EFNA5: variants seen among roughly 807,000 people sequenced by gnomAD.
The protein encoded by EFNA5 is ephrin-A5.
Under a neutral mutation model 22.9 loss-of-function variants are expected in EFNA5, and 5 were observed. The ratio of observed to expected loss-of-function variants is 0.22; its 90% CI spans 0.11 to 0.46. The LOEUF is 0.46. EFNA5 is among the 20% of genes least tolerant of loss of function. EFNA5 has a pLI of 0.99. For missense variants in EFNA5, 237 were observed against 293.3 expected, an observed-to-expected ratio of 0.81 and a Z score of 1.40; for synonymous variants, 113 against 112.2, an observed-to-expected ratio of 1.01 and a Z score of -0.04.
At chr5:107,480,838 C>T (rs913349072) in intron 1 of EFNA5, among the ~76,000 whole-genome samples, 62 of 152,266 alleles carry the variant, frequency 4.1e-4, no homozygotes, top group African/African-American at 1.5e-3. Context: ...TGGGGACAAA[C>T]AGGTCTCAAA....
intron 1 of EFNA5, among the ~76,000 whole-genome samples, chr5:107,592,352 G>T (rs1749388572): frequency 6.6e-6 from 1 of 151,346 alleles, no homozygotes; most frequent in Admixed American, 6.6e-5. Context: ...TACACTTTTG[G>T]TATATAAATT....
intron 2 of EFNA5, among the ~76,000 whole-genome samples, chr5:107,399,024 C>T (rs1561369388): frequency 6.6e-6 from 1 of 152,006 alleles, no homozygotes; most frequent in Non-Finnish European, 1.5e-5. Flanking sequence ...TCTCCCCTGC[C>T]CACACTGCTG....
intron 1 of EFNA5, among the ~76,000 whole-genome samples, chr5:107,663,088 C>G (rs1030295703): frequency 6.6e-6 from 1 of 151,884 alleles, no homozygotes; most frequent in Non-Finnish European, 1.5e-5. Context: ...AATAAGATAG[C>G]GCTTTAAATG....
intron 1 of EFNA5, among the ~76,000 whole-genome samples, chr5:107,542,063 C>T (rs189259210): frequency 1.7e-4 from 26 of 152,230 alleles, no homozygotes; most frequent in African/African-American, 4.1e-4. Flanking sequence ...AAACAAATCA[C>T]GACATTTTGT....
intron 1 of EFNA5, among the ~76,000 whole-genome samples, chr5:107,610,720 T>A (rs1749807683): frequency 6.6e-6 from 1 of 152,196 alleles, no homozygotes; most frequent in South Asian, 2.1e-4. Flanking sequence ...TCCATGAATA[T>A]TTGAAAAATT....
intron 4 of EFNA5, among the ~76,000 whole-genome samples, chr5:107,381,732 A>G (rs563057794): frequency 6.6e-6 from 1 of 152,228 alleles, no homozygotes; most frequent in Non-Finnish European, 1.5e-5. Context: ...GTCACAGGCA[A>G]GCAAGTGACA....
intron 1 of EFNA5, among the ~76,000 whole-genome samples, chr5:107,465,536 C>T (rs1032082509): frequency 6.6e-6 from 1 of 152,136 alleles, no homozygotes; most frequent in Non-Finnish European, 1.5e-5. Context: ...GCAAAGCTGA[C>T]ATGGTGATCA....
chr5:107,569,367 G>GTAATA (rs1554066995), intron 1 of EFNA5, among the ~76,000 whole-genome samples: 1 of 127,868 alleles, frequency 7.8e-6, no homozygotes, highest in African/African-American at 3.6e-5. Context: ...ATATATACGT[G>GTAATA]TATATATATA....
chr5:107,569,373 A>ATATATATTTTTATGTATATGTGTG (rs1554066996), intron 1 of EFNA5, among the ~76,000 whole-genome samples: 71 of 132,360 alleles, frequency 5.4e-4, no homozygotes, highest in African/African-American at 1.5e-3. Context: ...ACGTGTATAT[A>ATATATATTTTTATGTATATGTGTG]TATATATATT....
chr5:107,658,285 T>C (rs1750871511), intron 1 of EFNA5, among the ~76,000 whole-genome samples: 1 of 152,178 alleles, frequency 6.6e-6, no homozygotes, highest in South Asian at 2.1e-4. Context: ...CCACATAAAA[T>C]ACATCTTGGG....
Position 107,632,193 on chromosome 5 carries a change from C to G in EFNA5, c.125+38296G>C, listed in dbSNP as rs577611868. 5.9e-5 allele frequency among the ~76,000 whole-genome samples: 9 copies of G among 152,274 alleles called. No individual in the cohort carries two copies. The South Asian group carries it at 1.7e-3, about 28-fold the overall frequency. ...TCTTCTCAACAGCCTTGCCATTTCC[C>G]CCATCTTTATCTCACTATTCTTACT... On this transcript the variant is annotated intron_variant, in intron 1 of 4. Coordinates refer to ENST00000333274, the MANE Select transcript of EFNA5 (RefSeq NM_001962.3).
intron 1 of EFNA5, among the ~76,000 whole-genome samples, chr5:107,519,263 G>C (rs1160890535): frequency 6.6e-6 from 1 of 152,170 alleles, no homozygotes; most frequent in African/African-American, 2.4e-5. Flanking sequence ...TGGTCCAATT[G>C]TTGATTCTGC....
intron 2 of EFNA5, among the ~76,000 whole-genome samples, chr5:107,399,334 G>T (rs1462612364): frequency 7.0e-6 from 1 of 143,540 alleles, no homozygotes; most frequent in South Asian, 2.3e-4. Context: ...GGAAAGGAAA[G>T]GAAAGGAAAG....
At chr5:107,525,607 T>C (rs1167205879) in intron 1 of EFNA5, among the ~76,000 whole-genome samples, 1 of 152,204 alleles carries the variant, frequency 6.6e-6, no homozygotes. Flanking sequence ...AAAACATTAT[T>C]AGGAAAATCA....
intron 1 of EFNA5, among the ~76,000 whole-genome samples, chr5:107,645,359 C>T (rs142232869): frequency 6.6e-6 from 1 of 152,132 alleles, no homozygotes; most frequent in Non-Finnish European, 1.5e-5. Flanking sequence ...GTATTTTTCC[C>T]AACTGACCGA....
chr5:107,502,129 C>A (rs1326685705), intron 1 of EFNA5, among the ~76,000 whole-genome samples: 1 of 152,198 alleles, frequency 6.6e-6, no homozygotes, highest in Non-Finnish European at 1.5e-5. Flanking sequence ...GGGCAGAAAC[C>A]AATCCTCTCA....
chr5:107,477,513 T>A (rs1237662660), intron 1 of EFNA5, among the ~76,000 whole-genome samples: 2 of 152,228 alleles, frequency 1.3e-5, no homozygotes, highest in Admixed American at 6.5e-5. Flanking sequence ...TTTATAACTG[T>A]AAAAGGATCT....
intron 1 of EFNA5, among the ~76,000 whole-genome samples, chr5:107,514,980 G>A (rs1375738555): frequency 6.6e-6 from 1 of 152,160 alleles, no homozygotes; most frequent in Non-Finnish European, 1.5e-5. Flanking sequence ...AGCTTGCATG[G>A]GTGAATGCCG....
intron 1 of EFNA5, among the ~76,000 whole-genome samples, chr5:107,653,171 A>G (rs944999303): frequency 2.0e-5 from 3 of 152,016 alleles, no homozygotes; most frequent in Non-Finnish European, 4.4e-5. Context: ...TGCAATTTAC[A>G]TCTCCTTGAG....
Sources: allele counts gnomAD v4.1 joint callset (sites outside exome capture counted in the v4.1 genomes callset), GRCh38; gene constraint gnomAD v4.1.1; transcripts MANE v1.5; gene names NCBI Gene and HGNC (gene_info 2026-07-23, HGNC 2026-07-21).